The following ADGRL3 variants were observed in gnomAD, a reference collection of about 807,000 sequenced individuals.
The protein encoded by ADGRL3 is adhesion G protein-coupled receptor L3.
ADGRL3 carries 62 observed loss-of-function variants against 153.5 expected under a neutral mutation model. That is an observed-to-expected ratio of 0.40 (90% CI 0.33 to 0.50). ADGRL3 has a LOEUF of 0.50. Ranked by LOEUF, ADGRL3 falls within the 20% of genes least tolerant of loss-of-function variation. The probability of loss-of-function intolerance (pLI) is 0.47; values close to 1 mark genes in which losing one functional copy is unlikely to be tolerated. For synonymous variants in ADGRL3, 710 were observed against 672.5 expected (o/e 1.06, Z -0.86); for missense variants, 1,641 against 1,859.4 (o/e 0.88, Z 2.16).
At chr4:61,914,139 C>T (rs564388000) in intron 13 of ADGRL3, among the ~76,000 whole-genome samples, 10 of 152,142 alleles carry the variant, frequency 6.6e-5, no homozygotes, top group African/African-American at 1.4e-4. Flanking sequence ...GATATACTCT[C>T]GTTCTGGAAA....
intron 1 of ADGRL3, among the ~76,000 whole-genome samples, chr4:61,314,429 G>T (rs944123123): frequency 6.6e-6 from 1 of 152,148 alleles, no homozygotes; most frequent in Non-Finnish European, 1.5e-5. Flanking sequence ...GGCTGGTCTC[G>T]AACTCCTGAC....
At chr4:61,653,470 G>C (rs2094341000) in intron 5 of ADGRL3, among the ~76,000 whole-genome samples, 1 of 152,142 alleles carries the variant, frequency 6.6e-6, no homozygotes, top group Admixed American at 6.5e-5. Flanking sequence ...TCAGTTGCAA[G>C]GAGTTCAGAC....
At chr4:61,317,890 A>G (rs766777514) in intron 1 of ADGRL3, among the ~76,000 whole-genome samples, 1 of 152,136 alleles carries the variant, frequency 6.6e-6, no homozygotes, top group Non-Finnish European at 1.5e-5. Context: ...AAGAAAATAT[A>G]TAGGGACAGG....
chr4:61,694,233 T>A (rs183279610), intron 6 of ADGRL3, among the ~76,000 whole-genome samples: 1 of 136,984 alleles, frequency 7.3e-6, no homozygotes, highest in African/African-American at 2.6e-5. Flanking sequence ...GGCAGGATCT[T>A]GCTTTGTTGC....
At chr4:61,875,961 G>A (rs1317573924) in intron 9 of ADGRL3, among the ~76,000 whole-genome samples, 3 of 152,082 alleles carry the variant, frequency 2.0e-5, no homozygotes, top group African/African-American at 7.2e-5. Context: ...CAAGGTGGGA[G>A]GATCTTTTGA....
rs1560623170 is a variant in ADGRL3, at chr4:61,432,627, TTTCTTTCTTTCTTTCTTTCTTTCTTTC to T, written c.-174+49441_-174+49467del. Among the ~76,000 whole-genome samples the T allele has an allele frequency of 1.5e-3, 129 of 84,034 alleles. 13 individuals carry two copies. The highest frequency in any genetic ancestry group is 6.7e-3 in the Middle Eastern group (1 of 150). The allele number at this position is 84,034 out of a possible 152,430, so 55.1% of individuals were successfully genotyped here. A position where few individuals can be genotyped will look rare whatever the true frequency, so the allele number is the denominator to read the frequency against. On this transcript the variant is annotated intron_variant, in intron 2 of 26. Transcript: ENST00000683033. ...CTTTCTTTCTTTCTTTCTTTCTTTC[TTTCTTTCTTTCTTTCTTTCTTTCTTTC>T]TTTTTTTTTTTTTTTTGAGACAGAA... is the stretch of plus-strand genomic sequence containing the variant.
At chr4:61,284,050 C>A (rs1454798141) in intron 1 of ADGRL3, among the ~76,000 whole-genome samples, 1 of 151,964 alleles carries the variant, frequency 6.6e-6, no homozygotes, top group African/African-American at 2.4e-5. Context: ...GATCCCAATG[C>A]ACTTTGGATA....
intron 8 of ADGRL3, among the ~76,000 whole-genome samples, chr4:61,755,540 T>C (rs1227554903): frequency 6.6e-6 from 1 of 152,152 alleles, no homozygotes; most frequent in East Asian, 1.9e-4. Context: ...GATGAGTAGA[T>C]TGCAAAAATT....
intron 25 of ADGRL3, among the ~76,000 whole-genome samples, chr4:62,065,757 C>T (rs1438419916): frequency 1.3e-5 from 2 of 151,790 alleles, no homozygotes; most frequent in African/African-American, 4.8e-5. Flanking sequence ...CAATATCTGC[C>T]TTCTTGTCTT....
chr4:61,327,141 A>T (rs1275555182), intron 1 of ADGRL3, among the ~76,000 whole-genome samples: 1 of 151,960 alleles, frequency 6.6e-6, no homozygotes, highest in East Asian at 1.9e-4. Context: ...CCTTGCTATG[A>T]TTCTTAAAAG....
chr4:61,351,886 T>G (rs1309109374), intron 1 of ADGRL3, among the ~76,000 whole-genome samples: 1 of 152,256 alleles, frequency 6.6e-6, no homozygotes, highest in Non-Finnish European at 1.5e-5. Context: ...ACATCCATTC[T>G]GCAGCCCAAG....
intron 18 of ADGRL3, among the ~76,000 whole-genome samples, chr4:61,983,071 T>A (rs1387300723): frequency 3.9e-5 from 6 of 152,170 alleles, no homozygotes; most frequent in African/African-American, 1.4e-4. Context: ...AAATCTATTT[T>A]AAAATATTTA....
rs1258170891 is a variant in ADGRL3 at position 61,351,644 on chromosome 4, A to G, written c.-239-31480A>G. ...TTAGGGCCCTTAGGAATTATGCTAAATCTACTGTGCCTGTGCTATATAAAT... is the reference window on the plus strand; with the variant it reads ...TTAGGGCCCTTAGGAATTATGCTAAGTCTACTGTGCCTGTGCTATATAAAT... On this transcript the variant is annotated intron_variant, in intron 1 of 26. Coordinates refer to ENST00000683033, the MANE Select transcript of ADGRL3 (RefSeq NM_001387552.1). Among the ~76,000 whole-genome samples, 3 of 152,134 alleles carry G rather than the reference A, an allele frequency of 2.0e-5. No homozygotes were observed. The East Asian group carries it at 5.8e-4, about 29-fold the overall frequency.
intron 8 of ADGRL3, among the ~76,000 whole-genome samples, chr4:61,809,231 G>T (rs1387812626): frequency 6.6e-6 from 1 of 152,046 alleles, no homozygotes; most frequent in Non-Finnish European, 1.5e-5. Flanking sequence ...GGATTTTATG[G>T]TAGTAAAATG....
intron 2 of ADGRL3, among the ~76,000 whole-genome samples, chr4:61,402,638 G>A (rs966406573): frequency 1.3e-5 from 2 of 152,022 alleles, no homozygotes; most frequent in African/African-American, 2.4e-5. Flanking sequence ...AGAGGGGAGA[G>A]GGAAAAGAAA....
At chr4:61,762,942 T>C (rs974711278) in intron 8 of ADGRL3, among the ~76,000 whole-genome samples, 3 of 152,174 alleles carry the variant, frequency 2.0e-5, no homozygotes, top group Admixed American at 2.0e-4. Flanking sequence ...CTACATGTTT[T>C]TTAACATCCA....
At chr4:61,914,549 A>T (rs2098736781) in intron 13 of ADGRL3, among the ~76,000 whole-genome samples, 1 of 152,032 alleles carries the variant, frequency 6.6e-6, no homozygotes, top group Non-Finnish European at 1.5e-5. Context: ...GGGAGGGGGA[A>T]CTTAGCAAGG....
At chr4:61,553,637 A>G (rs965411769) in intron 4 of ADGRL3, among the ~76,000 whole-genome samples, 2 of 152,220 alleles carry the variant, frequency 1.3e-5, no homozygotes, top group African/African-American at 4.8e-5. Context: ...TTTAGGTATT[A>G]ATAACAAGTG....
chr4:61,627,694 C>T (rs977294935), intron 5 of ADGRL3, among the ~76,000 whole-genome samples: 1 of 152,022 alleles, frequency 6.6e-6, no homozygotes, highest in African/African-American at 2.4e-5. Context: ...ATTGGAATTA[C>T]AAAAGACTGC....
Sources: gnomAD v4.1 joint callset for allele counts (sites outside exome capture counted in the v4.1 genomes callset) on GRCh38, gnomAD v4.1.1 for gene constraint, MANE v1.5 for transcripts, NCBI Gene and HGNC (gene_info 2026-07-23, HGNC 2026-07-21) for gene names.